The following ST6GALNAC3 variants were observed in gnomAD, a reference collection of about 807,000 sequenced individuals.
ST6GALNAC3 encodes the protein ST6 N-acetylgalactosaminide alpha-2,6-sialyltransferase 3, also known as alpha-N-acetylgalactosaminide alpha-2,6-sialyltransferase 3.
In ST6GALNAC3, 25 loss-of-function variants were observed where a neutral mutation model predicts 32.7. The observed-to-expected ratio is 0.76, with a 90% confidence interval of 0.56 to 1.07. The LOEUF (loss-of-function observed/expected upper bound fraction) is 1.07, where lower values mean the gene tolerates loss of function less well. ST6GALNAC3 is among the 50% of genes least tolerant of loss of function. ST6GALNAC3 has a pLI of 0.00. For synonymous variants in ST6GALNAC3, 129 were observed against 133.1 expected, an observed-to-expected ratio of 0.97 and a Z score of 0.21; for missense variants, 355 against 382.4, an observed-to-expected ratio of 0.93 and a Z score of 0.60.
At chr1:76,413,052 AT>A in intron 3 of ST6GALNAC3, 1 of 309,528 alleles carries the variant, frequency 3.2e-6, no homozygotes, top group South Asian at 2.8e-5. Flanking sequence ...TGCATTTTTT[AT>A]TACATCCATG....
intron 3 of ST6GALNAC3, among the ~76,000 whole-genome samples, chr1:76,569,079 A>G (rs1042880318): frequency 6.6e-6 from 1 of 152,126 alleles, no homozygotes. Flanking sequence ...CAGAATAAAC[A>G]TAACTCCTTT....
In ST6GALNAC3 at chr1:76,579,924, AGTT is replaced by A. The variant is rs372152866; in HGVS notation, c.624-47526_624-47524del. ...TTAATGTTCAATGCCTAAATCCATT[AGTT>A]GATTAGAGATTACAAAATACTGGTA... On this transcript the variant is annotated intron_variant, in intron 3 of 4. Transcript: ENST00000328299. 4.3e-4 allele frequency among the ~76,000 whole-genome samples: 66 copies of A among 152,196 alleles called. No homozygotes were observed. The Middle Eastern group carries it at 0.01, about 24-fold the overall frequency.
chr1:76,521,597 A>G (rs1180036114), intron 3 of ST6GALNAC3, among the ~76,000 whole-genome samples: 1 of 151,830 alleles, frequency 6.6e-6, no homozygotes, highest in Non-Finnish European at 1.5e-5. Context: ...ATTTTCCTTT[A>G]TGATTGATTA....
intron 2 of ST6GALNAC3, among the ~76,000 whole-genome samples, chr1:76,339,505 A>G (rs545690661): frequency 2.0e-4 from 30 of 152,352 alleles, no homozygotes; most frequent in African/African-American, 6.5e-4. Context: ...TGTGATCTCC[A>G]TAACTGTAAG....
At chr1:76,501,102 A>G (rs116084644) in intron 3 of ST6GALNAC3, among the ~76,000 whole-genome samples, 105 of 152,248 alleles carry the variant, frequency 6.9e-4, no homozygotes, top group African/African-American at 2.4e-3. Context: ...TGATGTATTA[A>G]ATGAAAATTG....
chr1:76,532,743 A>G (rs995429642), intron 3 of ST6GALNAC3, among the ~76,000 whole-genome samples: 4 of 152,170 alleles, frequency 2.6e-5, no homozygotes, highest in African/African-American at 2.4e-5. Context: ...CTGGAGTTAT[A>G]AGTATCTCCA....
intron 1 of ST6GALNAC3, among the ~76,000 whole-genome samples, chr1:76,161,825 T>G (rs1023641510): frequency 6.6e-6 from 1 of 152,260 alleles, no homozygotes; most frequent in Admixed American, 6.5e-5. Context: ...CAGTGCCTCA[T>G]GCTGGGTCTG....
chr1:76,450,825 A>G (rs1455650305), intron 3 of ST6GALNAC3, among the ~76,000 whole-genome samples: 1 of 151,864 alleles, frequency 6.6e-6, no homozygotes, highest in Non-Finnish European at 1.5e-5. Flanking sequence ...TTCCCACTTC[A>G]TTTTTGTTTG....
At chr1:76,104,180 A>G (rs1251339990) in intron 1 of ST6GALNAC3, among the ~76,000 whole-genome samples, 2 of 151,940 alleles carry the variant, frequency 1.3e-5, no homozygotes, top group Non-Finnish European at 2.9e-5. Context: ...TTATCTCCTT[A>G]TGTGCTTGGT....
chr1:76,131,838 G>A (rs1400656385), intron 1 of ST6GALNAC3, among the ~76,000 whole-genome samples: 1 of 152,148 alleles, frequency 6.6e-6, no homozygotes, highest in African/African-American at 2.4e-5. Context: ...CTTAAATATT[G>A]CTCTGGGTAG....
intron 2 of ST6GALNAC3, among the ~76,000 whole-genome samples, chr1:76,400,028 A>AT (rs1193702627): frequency 1.3e-5 from 2 of 151,930 alleles, no homozygotes; most frequent in African/African-American, 4.8e-5. Flanking sequence ...AACTTTTTTT[A>AT]TTTTTTCATG....
At chr1:76,512,428 T>C (rs1661921198) in intron 3 of ST6GALNAC3, among the ~76,000 whole-genome samples, 1 of 152,204 alleles carries the variant, frequency 6.6e-6, no homozygotes, top group Non-Finnish European at 1.5e-5. Flanking sequence ...TGAGTTTTTT[T>C]AAGATGATAC....
chr1:76,327,568 A>C lies in ST6GALNAC3; in HGVS notation c.213+13569A>C, dbSNP rs550724723. 3.4e-4 allele frequency among the ~76,000 whole-genome samples: 52 copies of C among 152,300 alleles called. 1 individual carries two copies. The South Asian group carries it at 3.7e-3, about 11-fold the overall frequency. On this transcript the variant is annotated intron_variant, in intron 2 of 4. Transcript: ENST00000328299. ...CTCAGAGTCTACTGACATAAATGTT[A>C]ATCTCATCTACAAAATATCTTCACA...
rs146727888 is a variant in ST6GALNAC3, at chr1:76,101,576, T to C, written c.18+26692T>C. ...TATGCTTGTTTTCACTTCAGTCACG[T>C]CTGCTCTTTATCCATTTCCTTTCTT... On this transcript the variant is annotated intron_variant, in intron 1 of 4. Transcript: ENST00000328299. Among the ~76,000 whole-genome samples the C allele has an allele frequency of 1.7e-3, 263 of 152,292 alleles. 5 individuals are homozygous for C. The highest frequency in any genetic ancestry group is 6.1e-3 in the African/African-American group (254 of 41,570).
intron 1 of ST6GALNAC3, chr1:76,309,915 C>T (rs1306726850): frequency 2.2e-6 from 1 of 463,590 alleles, no homozygotes; most frequent in Non-Finnish European, 4.3e-6. Context: ...GCTTTTACAA[C>T]TGCTATTTCA....
At chr1:76,566,141 C>T (rs756542226) in intron 3 of ST6GALNAC3, among the ~76,000 whole-genome samples, 7 of 152,132 alleles carry the variant, frequency 4.6e-5, no homozygotes, top group Admixed American at 6.5e-5. Context: ...GGAGCACAGA[C>T]GGACATCAAC....
intron 3 of ST6GALNAC3, among the ~76,000 whole-genome samples, chr1:76,623,372 A>G (rs1648764526): frequency 6.6e-6 from 1 of 151,912 alleles, no homozygotes; most frequent in Non-Finnish European, 1.5e-5. Flanking sequence ...TTTCCCCTGC[A>G]TGGCCCATTA....
At chr1:76,350,334 C>A (rs900208690) in intron 2 of ST6GALNAC3, among the ~76,000 whole-genome samples, 3 of 152,066 alleles carry the variant, frequency 2.0e-5, no homozygotes, top group Non-Finnish European at 4.4e-5. Context: ...GCACAAAATC[C>A]AAATTTTCAA....
intron 1 of ST6GALNAC3, among the ~76,000 whole-genome samples, chr1:76,272,266 T>C (rs953112212): frequency 1.4e-5 from 2 of 138,462 alleles, no homozygotes; most frequent in African/African-American, 5.5e-5. Context: ...GAGGTTGCAG[T>C]GAGCCGAGAT....
Sources: allele counts gnomAD v4.1 joint callset (sites outside exome capture counted in the v4.1 genomes callset), GRCh38; gene constraint gnomAD v4.1.1; transcripts MANE v1.5; gene names NCBI Gene and HGNC (gene_info 2026-07-23, HGNC 2026-07-21).